ADAMTS17: variants seen among roughly 807,000 people sequenced by gnomAD.
The protein encoded by ADAMTS17 is ADAM metallopeptidase with thrombospondin type 1 motif 17.
Under a neutral mutation model 141.5 loss-of-function variants are expected in ADAMTS17, and 113 were observed. The observed-to-expected ratio is 0.80, with a 90% CI of 0.69 to 0.93. The LOEUF is 0.93. Ranked by LOEUF, ADAMTS17 falls within the 40% of genes least tolerant of loss-of-function variation. ADAMTS17 has a pLI of 0.00. For missense variants in ADAMTS17, 1,659 were observed against 1,517.9 expected (o/e 1.09, Z -1.54); for synonymous variants, 768 against 630.6 (o/e 1.22, Z -3.27).
intron 4 of ADAMTS17, among the ~76,000 whole-genome samples, chr15:100,272,529 G>C (rs1424596688): frequency 6.8e-6 from 1 of 147,938 alleles, no homozygotes; most frequent in Non-Finnish European, 1.5e-5. Context: ...TTTTGTGGTT[G>C]GTTTAGTACG....
rs1178597933 is a variant in ADAMTS17, at chr15:100,239,622, CTG to C, written c.1075+14512_1075+14513del. Among the ~76,000 whole-genome samples the C allele has an allele frequency of 7.9e-5, 12 of 152,142 alleles. 1 individual carries two copies. Among genetic ancestry groups the C allele is most frequent in the Admixed American group, 7.9e-4 (12 of 15,280 alleles). ...CAGGAGGAAGTGTTGGAGACGGGCTCTGGAGCCACAGAGGCTGCCTCCTGCCA... is the reference window on the plus strand; with the variant it reads ...CAGGAGGAAGTGTTGGAGACGGGCTCGAGCCACAGAGGCTGCCTCCTGCCA... On this transcript the variant is annotated intron_variant, in intron 7 of 21. Transcript: ENST00000268070.
chr15:100,088,751 A>G lies in ADAMTS17; in HGVS notation c.2137+7605T>C, dbSNP rs372575774. ...ACAAGAAATGGGGAAAGGATTCCCT[A>G]TTTAATTAATGGTGCTGGAAAAACT... On this transcript the variant is annotated intron_variant, in intron 15 of 21. Coordinates refer to ENST00000268070, the MANE Select transcript of ADAMTS17 (RefSeq NM_139057.4). 2.6e-4 allele frequency among the ~76,000 whole-genome samples: 40 copies of G among 152,346 alleles called. No individual in the cohort carries two copies. In the East Asian group the frequency reaches 3.3e-3, roughly 12 times the overall value.
chr15:100,232,615 G>T (rs142893463), intron 7 of ADAMTS17, among the ~76,000 whole-genome samples: 1 of 152,352 alleles, frequency 6.6e-6, no homozygotes, highest in East Asian at 1.9e-4. Context: ...CAGCCACAAA[G>T]GGCTCTGGCG....
intron 18 of ADAMTS17, among the ~76,000 whole-genome samples, chr15:100,009,651 A>G (rs928237480): frequency 2.0e-5 from 3 of 151,972 alleles, no homozygotes; most frequent in Admixed American, 6.6e-5. Context: ...GCTTATTACA[A>G]CTGTTGTGCC....
At chr15:100,236,802 CACTCCAGTCTGGGCAACAGAG>C (rs2042671217) in intron 7 of ADAMTS17, among the ~76,000 whole-genome samples, 1 of 152,146 alleles carries the variant, frequency 6.6e-6, no homozygotes, top group Non-Finnish European at 1.5e-5. Context: ...TGCACCACTG[CACTCCAGTCTGGGCAACAGAG>C]TGAGACTCCT....
chr15:100,174,027 C>T (rs2040250520), intron 8 of ADAMTS17, among the ~76,000 whole-genome samples: 1 of 152,204 alleles, frequency 6.6e-6, no homozygotes, highest in Admixed American at 6.5e-5. Flanking sequence ...CCCCTACCTG[C>T]CTTACTGGAA....
At chr15:100,257,473 A>G (rs994400565) in intron 6 of ADAMTS17, among the ~76,000 whole-genome samples, 3 of 152,244 alleles carry the variant, frequency 2.0e-5, no homozygotes, top group Non-Finnish European at 4.4e-5. Flanking sequence ...GGTGAGAGGG[A>G]CTGTGATTGC....
intron 20 of ADAMTS17, chr15:99,979,288 C>CT (rs773975985): frequency 1.3e-5 from 2 of 151,856 alleles, no homozygotes; most frequent in Non-Finnish European, 2.9e-5. Context: ...ACTCGGGAGG[C>CT]TGAGGCAGGA....
chr15:100,335,489 G>A (rs1163922122), intron 2 of ADAMTS17, among the ~76,000 whole-genome samples: 1 of 152,140 alleles, frequency 6.6e-6, no homozygotes, highest in Non-Finnish European at 1.5e-5. Flanking sequence ...CCTACCTCCA[G>A]GAGGCTGGGA....
At chr15:100,190,414 G>A (rs1012388164) in intron 8 of ADAMTS17, among the ~76,000 whole-genome samples, 7 of 152,338 alleles carry the variant, frequency 4.6e-5, no homozygotes, top group African/African-American at 1.4e-4. Flanking sequence ...GATGAGAAGC[G>A]CCCTTTCCCA....
At chr15:100,065,263 ATAT>A (rs1157293475) in intron 15 of ADAMTS17, among the ~76,000 whole-genome samples, 1 of 152,328 alleles carries the variant, frequency 6.6e-6, no homozygotes, top group East Asian at 1.9e-4. Context: ...TGTGAAAAGA[ATAT>A]TATATGTACT....
chr15:100,128,059 G>C (rs2037836270), intron 12 of ADAMTS17, among the ~76,000 whole-genome samples: 1 of 152,146 alleles, frequency 6.6e-6, no homozygotes, highest in African/African-American at 2.4e-5. Flanking sequence ...AAGGATATAA[G>C]AGGAAACTGC....
intron 18 of ADAMTS17, among the ~76,000 whole-genome samples, chr15:100,034,676 T>A (rs1165320225): frequency 6.6e-6 from 1 of 152,178 alleles, no homozygotes; most frequent in African/African-American, 2.4e-5. Flanking sequence ...TTTAAGCCAC[T>A]AAGTCCCTCT....
intron 12 of ADAMTS17, among the ~76,000 whole-genome samples, chr15:100,125,553 G>A (rs1053024241): frequency 6.6e-6 from 1 of 152,126 alleles, no homozygotes; most frequent in African/African-American, 2.4e-5. Context: ...CACCTGCTGG[G>A]ATGCAGCTGG....
chr15:100,252,679 C>T (rs2043190360), intron 7 of ADAMTS17, among the ~76,000 whole-genome samples: 1 of 152,194 alleles, frequency 6.6e-6, no homozygotes, highest in Admixed American at 6.5e-5. Flanking sequence ...GCCAGCACTC[C>T]AGGGAAGCAT....
chr15:100,140,488 C>CATATATATATATATATATATATATAT (rs60035034), intron 10 of ADAMTS17, among the ~76,000 whole-genome samples: 2,728 of 124,012 alleles, frequency 0.022, 143 homozygotes, highest in Non-Finnish European at 0.033. Context: ...CACATACATA[C>CATATATATATATATATATATATATAT]ATATATATAT....
At chr15:100,078,866 G>A (rs75859177) in intron 15 of ADAMTS17, among the ~76,000 whole-genome samples, 2,031 of 152,250 alleles carry the variant, frequency 0.013, 44 homozygotes, top group African/African-American at 0.042. Context: ...CTTGCAGCTC[G>A]ACAAGAAAAT....
chr15:99,994,511 G>A (rs1397196827), intron 19 of ADAMTS17, among the ~76,000 whole-genome samples: 7 of 151,356 alleles, frequency 4.6e-5, no homozygotes, highest in Admixed American at 2.0e-4. Context: ...AAGGACAAAT[G>A]TTATTCCTGA....
At chr15:100,288,245 G>A (rs145515182) in intron 3 of ADAMTS17, among the ~76,000 whole-genome samples, 2 of 152,224 alleles carry the variant, frequency 1.3e-5, no homozygotes, top group Non-Finnish European at 2.9e-5. Context: ...CAGGCTTTAA[G>A]CCAACAATAA....
Sources: allele counts gnomAD v4.1 joint callset (sites outside exome capture counted in the v4.1 genomes callset), GRCh38; gene constraint gnomAD v4.1.1; transcripts MANE v1.5; gene names NCBI Gene and HGNC (gene_info 2026-07-23, HGNC 2026-07-21).